The following DSCAM variants were observed in gnomAD, a reference collection of about 807,000 sequenced individuals.
DSCAM encodes the protein cell adhesion molecule DSCAM.
DSCAM carries 47 observed loss-of-function variants against 217.7 expected under a neutral mutation model. The observed-to-expected ratio is 0.22, with a 90% confidence interval of 0.17 to 0.28. The LOEUF is 0.28. Ranked by LOEUF, DSCAM falls within the 10% of genes least tolerant of loss-of-function variation. DSCAM has a pLI of 1.00. For synonymous variants in DSCAM, 1,056 were observed against 1,015.3 expected (o/e 1.04, Z -0.76); for missense variants, 2,080 against 2,618.3 (o/e 0.79, Z 4.49).
intron 1 of DSCAM, among the ~76,000 whole-genome samples, chr21:40,832,868 T>A (rs770866372): frequency 6.6e-6 from 1 of 152,214 alleles, no homozygotes; most frequent in Non-Finnish European, 1.5e-5. Flanking sequence ...TTCTTTCCTA[T>A]GCAGTCCCAA....
chr21:40,582,856 T>C (rs1173962512), intron 3 of DSCAM, among the ~76,000 whole-genome samples: 4 of 152,090 alleles, frequency 2.6e-5, no homozygotes, highest in African/African-American at 7.2e-5. Context: ...GATGGAGCAA[T>C]AGATTTAACC....
intron 3 of DSCAM, among the ~76,000 whole-genome samples, chr21:40,446,524 A>G (rs1413104083): frequency 6.6e-6 from 1 of 152,180 alleles, no homozygotes; most frequent in Non-Finnish European, 1.5e-5. Context: ...TCTGCAAAAA[A>G]GTGAAGGATC....
At chr21:40,077,069 G>A (rs1201588621) in intron 26 of DSCAM, among the ~76,000 whole-genome samples, 2 of 152,188 alleles carry the variant, frequency 1.3e-5, no homozygotes. Flanking sequence ...ACTGAAGAGT[G>A]AGGGCTATAA....
intron 9 of DSCAM, among the ~76,000 whole-genome samples, chr21:40,298,209 T>C (rs924901477): frequency 3.3e-5 from 5 of 151,404 alleles, no homozygotes. Flanking sequence ...GCCTCCTGAG[T>C]AGCTGGGATT....
In DSCAM at chr21:40,298,352, A is replaced by G. The variant is rs568634331; in HGVS notation, c.2063-2178T>C. 2.6e-5 allele frequency among the ~76,000 whole-genome samples: 4 copies of G among 151,962 alleles called. No individual in the cohort carries two copies. In the South Asian group the frequency reaches 8.3e-4, roughly 32 times the overall value. On this transcript the variant is annotated intron_variant, in intron 9 of 32. Coordinates refer to ENST00000400454, the MANE Select transcript of DSCAM (RefSeq NM_001389.5). ...AGCCTCAGCCTCCCAAAGTGCTGGG[A>G]TTACAGGCGTGAGCCACTGCGCACG...
intron 11 of DSCAM, among the ~76,000 whole-genome samples, chr21:40,195,958 C>A (rs892207991): frequency 2.0e-5 from 3 of 152,172 alleles, no homozygotes. Context: ...AATGTGTTTT[C>A]TTTGTTATCA....
intron 3 of DSCAM, among the ~76,000 whole-genome samples, chr21:40,612,685 A>T (rs780092788): frequency 1.3e-5 from 2 of 152,162 alleles, no homozygotes; most frequent in Non-Finnish European, 2.9e-5. Flanking sequence ...GATGTCTGTT[A>T]TATGTTATCA....
chr21:40,567,778 T>C (rs1286444077), intron 3 of DSCAM, among the ~76,000 whole-genome samples: 1 of 152,276 alleles, frequency 6.6e-6, no homozygotes, highest in African/African-American at 2.4e-5. Flanking sequence ...GCATCAGGCA[T>C]AACATAAGCA....
chr21:40,093,968 T>A, intron 20 of DSCAM, 94 bp from the exon 21 acceptor site: 5 of 1,360,652 alleles, frequency 3.7e-6, no homozygotes, highest in Admixed American at 2.4e-5. Context: ...TTAAATATCA[T>A]AACAAAAAAA....
chr21:40,494,647 T>A (rs567295982), intron 3 of DSCAM, among the ~76,000 whole-genome samples: 15 of 151,224 alleles, frequency 9.9e-5, no homozygotes, highest in African/African-American at 3.6e-4. Flanking sequence ...AAAAAACTTT[T>A]AAATTAAAAA....
chr21:40,121,706 T>C (rs982755102), intron 20 of DSCAM, among the ~76,000 whole-genome samples: 2 of 115,574 alleles, frequency 1.7e-5, no homozygotes, highest in Admixed American at 1.0e-4. Flanking sequence ...TTTTTTTTTT[T>C]TGAGACAGAG....
intron 3 of DSCAM, among the ~76,000 whole-genome samples, chr21:40,507,653 G>A (rs116140846): frequency 0.02 from 2,982 of 152,090 alleles, 73 homozygotes; most frequent in African/African-American, 0.049. Flanking sequence ...AGCTGGGCAC[G>A]GTGTTGTGCA....
At chr21:40,049,408 C>CT (rs2088892914) in intron 30 of DSCAM, among the ~76,000 whole-genome samples, 2 of 152,128 alleles carry the variant, frequency 1.3e-5, no homozygotes, top group African/African-American at 4.8e-5. Context: ...TGTTTCATGT[C>CT]TTCCCCTCAC....
chr21:40,815,707 T>C (rs1362458064), intron 1 of DSCAM, among the ~76,000 whole-genome samples: 2 of 152,150 alleles, frequency 1.3e-5, no homozygotes, highest in East Asian at 3.9e-4. Flanking sequence ...GTAGACAGGA[T>C]GGGAGATATG....
intron 3 of DSCAM, among the ~76,000 whole-genome samples, chr21:40,502,248 A>T (rs1218697397): frequency 2.0e-5 from 3 of 152,194 alleles, no homozygotes; most frequent in Non-Finnish European, 4.4e-5. Flanking sequence ...ATTTTTATTG[A>T]CACTAATAAC....
chr21:40,350,317 T>C (rs1440198486), intron 5 of DSCAM, among the ~76,000 whole-genome samples: 2 of 152,120 alleles, frequency 1.3e-5, no homozygotes, highest in Non-Finnish European at 2.9e-5. Context: ...AGCTTCTACT[T>C]ACTCAGCAAA....
intron 16 of DSCAM, among the ~76,000 whole-genome samples, chr21:40,164,515 G>A (rs1601400530): frequency 6.6e-6 from 1 of 152,106 alleles, no homozygotes; most frequent in East Asian, 1.9e-4. Context: ...GATAAAAAGG[G>A]TGCCAGGTGT....
chr21:40,221,644 T>G (rs1232394168), intron 11 of DSCAM, among the ~76,000 whole-genome samples: 1 of 152,132 alleles, frequency 6.6e-6, no homozygotes, highest in South Asian at 2.1e-4. Flanking sequence ...TTATTTGCCT[T>G]TTTAGCCAAC....
chr21:40,189,649 C>T (rs1472237473), intron 11 of DSCAM, among the ~76,000 whole-genome samples: 3 of 152,042 alleles, frequency 2.0e-5, no homozygotes, highest in African/African-American at 7.3e-5. Context: ...GCGGATCTTT[C>T]CCATGCTGTT....
Sources: gnomAD v4.1 joint callset for allele counts (sites outside exome capture counted in the v4.1 genomes callset) on GRCh38, gnomAD v4.1.1 for gene constraint, MANE v1.5 for transcripts, NCBI Gene and HGNC (gene_info 2026-07-23, HGNC 2026-07-21) for gene names.